ZBTB20: variants seen among roughly 807,000 people sequenced by gnomAD.
ZBTB20 encodes the protein zinc finger and BTB domain-containing protein 20.
Under a neutral mutation model 56.9 loss-of-function variants are expected in ZBTB20, and 9 were observed. That is an observed-to-expected ratio of 0.16 (90% CI 0.10 to 0.28). ZBTB20 has a LOEUF of 0.28. Among genes scored for constraint, ZBTB20 ranks in the 10% least tolerant of loss-of-function variants. The pLI is 1.00. For synonymous variants in ZBTB20, 417 were observed against 420.7 expected (o/e 0.99, Z 0.11); for missense variants, 655 against 1,003.0 (o/e 0.65, Z 4.69).
At chr3:114,907,576 G>A (rs988084237) in intron 3 of ZBTB20, among the ~76,000 whole-genome samples, 2 of 151,796 alleles carry the variant, frequency 1.3e-5, no homozygotes, top group Non-Finnish European at 2.9e-5. Context: ...CATAGCCTTT[G>A]TCAATCAGAG....
At chr3:115,042,002 T>G (rs1281303282) in intron 2 of ZBTB20, among the ~76,000 whole-genome samples, 1 of 152,110 alleles carries the variant, frequency 6.6e-6, no homozygotes, top group Non-Finnish European at 1.5e-5. Context: ...CTTCCTCTCT[T>G]GCCACTCCAT....
chr3:114,615,127 A>T (rs2057840792), intron 6 of ZBTB20, among the ~76,000 whole-genome samples: 1 of 152,232 alleles, frequency 6.6e-6, no homozygotes, highest in Admixed American at 6.5e-5. Context: ...TGAAAATTTA[A>T]TTACAAACTA....
At chr3:115,128,697 AAGGGGAGGGCAGTGG>A (rs2084409404) in intron 1 of ZBTB20, among the ~76,000 whole-genome samples, 1 of 120,862 alleles carries the variant, frequency 8.3e-6, no homozygotes, top group Non-Finnish European at 1.7e-5. Flanking sequence ...AAGGGAAGGG[AAGGGGAGGGCAGTGG>A]AGGGGAGGGG....
chr3:114,649,421 G>A (rs948935035), intron 6 of ZBTB20, among the ~76,000 whole-genome samples: 13 of 151,996 alleles, frequency 8.6e-5, no homozygotes, highest in African/African-American at 3.1e-4. Context: ...AAAGAATGTA[G>A]AGTTCCATGG....
intron 6 of ZBTB20, chr3:114,527,331 C>T (rs2047346134): frequency 6.6e-6 from 1 of 152,130 alleles, no homozygotes; most frequent in African/African-American, 2.4e-5. Flanking sequence ...ATCAATAAGC[C>T]TTGGCAGTTT....
At chr3:114,704,679 A>G (rs1367925973) in intron 5 of ZBTB20, among the ~76,000 whole-genome samples, 1 of 152,178 alleles carries the variant, frequency 6.6e-6, no homozygotes, top group Non-Finnish European at 1.5e-5. Context: ...AGGCAAAAGT[A>G]TATGACTAAA....
chr3:114,470,277 T>C (rs1399446936), intron 7 of ZBTB20, among the ~76,000 whole-genome samples: 1 of 152,212 alleles, frequency 6.6e-6, no homozygotes, highest in Non-Finnish European at 1.5e-5. Context: ...TGAAAGTTTC[T>C]GTTTTAGAAA....
chr3:115,010,013 A>G (rs1028629286), intron 2 of ZBTB20, among the ~76,000 whole-genome samples: 2 of 151,954 alleles, frequency 1.3e-5, no homozygotes, highest in Admixed American at 1.3e-4. Flanking sequence ...AAAGGTAATT[A>G]GCTTTGGTTA....
intron 4 of ZBTB20, among the ~76,000 whole-genome samples, chr3:114,837,260 T>A (rs1405174946): frequency 6.6e-6 from 1 of 152,244 alleles, no homozygotes; most frequent in Non-Finnish European, 1.5e-5. Flanking sequence ...ATCCTGTATG[T>A]ATGTGAGTAT....
intron 6 of ZBTB20, among the ~76,000 whole-genome samples, chr3:114,586,321 G>A (rs553736146): frequency 6.6e-6 from 1 of 152,190 alleles, no homozygotes; most frequent in Non-Finnish European, 1.5e-5. Flanking sequence ...TTATTGGAAT[G>A]ACTACAAAGC....
intron 6 of ZBTB20, among the ~76,000 whole-genome samples, chr3:114,640,395 A>G (rs1269975482): frequency 6.6e-6 from 1 of 152,124 alleles, no homozygotes; most frequent in African/African-American, 2.4e-5. Flanking sequence ...GAATCATTCA[A>G]TAATGCTTAT....
intron 3 of ZBTB20, among the ~76,000 whole-genome samples, chr3:114,912,368 A>T (rs260182): frequency 0.059 from 8,928 of 151,474 alleles, 902 homozygotes; most frequent in African/African-American, 0.21. Context: ...TCAAAATCAG[A>T]ATACTCTAAT....
chr3:114,420,864 C>G (rs552670400), intron 7 of ZBTB20, among the ~76,000 whole-genome samples: 6 of 152,232 alleles, frequency 3.9e-5, no homozygotes, highest in Admixed American at 3.9e-4. Context: ...AACTATCTCT[C>G]TTGCACTTGA....
intron 5 of ZBTB20, among the ~76,000 whole-genome samples, chr3:114,708,346 C>T (rs1352733635): frequency 6.6e-6 from 1 of 151,786 alleles, no homozygotes; most frequent in Non-Finnish European, 1.5e-5. Context: ...AAGATGTTAC[C>T]ACCGAAAAAA....
intron 5 of ZBTB20, among the ~76,000 whole-genome samples, chr3:114,756,501 T>C (rs1018864683): frequency 2.0e-5 from 3 of 152,182 alleles, no homozygotes; most frequent in Admixed American, 2.0e-4. Context: ...AAGTGTATAT[T>C]TCTGAAAACA....
chr3:114,729,214 C>A (rs554836827), intron 5 of ZBTB20, among the ~76,000 whole-genome samples: 1 of 152,174 alleles, frequency 6.6e-6, no homozygotes, highest in African/African-American at 2.4e-5. Context: ...AACTAAAAGA[C>A]TATCCAACAT....
At chr3:114,833,151 C>A (rs2073945738) in intron 4 of ZBTB20, among the ~76,000 whole-genome samples, 1 of 152,084 alleles carries the variant, frequency 6.6e-6, no homozygotes, top group African/African-American at 2.4e-5. Context: ...CATATCTCTT[C>A]TATACATAAG....
chr3:114,653,524 T>C (rs1407177677), intron 6 of ZBTB20, among the ~76,000 whole-genome samples: 5 of 152,006 alleles, frequency 3.3e-5, no homozygotes. Flanking sequence ...GTTTGTTTGC[T>C]AATATTTTGT....
At chr3:114,455,185 G>A (rs1184287479) in intron 7 of ZBTB20, among the ~76,000 whole-genome samples, 1 of 151,878 alleles carries the variant, frequency 6.6e-6, no homozygotes, top group Non-Finnish European at 1.5e-5. Context: ...GAGGGAGAGC[G>A]GCACTGCCAG....
Sources: gnomAD v4.1 joint callset for allele counts (sites outside exome capture counted in the v4.1 genomes callset) on GRCh38, gnomAD v4.1.1 for gene constraint, MANE v1.5 for transcripts, NCBI Gene and HGNC (gene_info 2026-07-23, HGNC 2026-07-21) for gene names.